Variants in DCDC2C observed in about 807,000 individuals in gnomAD.
DCDC2C encodes doublecortin domain containing 2C.
A neutral mutation model predicts 45.0 loss-of-function variants in DCDC2C; 44 were observed. The ratio of observed to expected loss-of-function variants is 0.98; its 90% CI spans 0.77 to 1.26. DCDC2C has a LOEUF of 1.26. Ranked by LOEUF, DCDC2C falls within the 50% of genes most tolerant of loss-of-function variation. The pLI, the probability that DCDC2C is intolerant of heterozygous loss-of-function variation, is 0.00. For missense variants in DCDC2C, 447 were observed against 468.9 expected (o/e 0.95, Z 0.43); for synonymous variants, 187 against 178.8 (o/e 1.05, Z -0.37).
At chr2:3,777,112 A>T (rs1179766089) in intron 8 of DCDC2C, among the ~76,000 whole-genome samples, 1 of 152,230 alleles carries the variant, frequency 6.6e-6, no homozygotes, top group Non-Finnish European at 1.5e-5. Context: ...TCTGAAGCTC[A>T]GCGCTTCTTC....
Position 3,761,631 on chromosome 2 carries a change from A to C in DCDC2C, c.727-6123A>C, listed in dbSNP as rs1669885019. ...ATGTTAGCAAATCTTCCACTTTAAT[A>C]AATGTTCAAAGCAGGCCTGGTTCAT... is the stretch of plus-strand genomic sequence containing the variant. On this transcript the variant is annotated intron_variant, in intron 6 of 10. Coordinates refer to ENST00000399143, the MANE Select transcript of DCDC2C (RefSeq NM_001287444.2). This position sits in a 1 kb window ranked among gnomAD's most constrained non-coding sequence, Gnocchi z 4.3. 6.6e-6 allele frequency among the ~76,000 whole-genome samples: 1 copy of C among 152,248 alleles called. No homozygotes were observed. The highest frequency in any genetic ancestry group is 1.5e-5 in the Non-Finnish European group (1 of 68,046).
intron 10 of DCDC2C, among the ~76,000 whole-genome samples, chr2:3,842,756 C>T (rs1021191054): frequency 8.5e-5 from 13 of 152,102 alleles, no homozygotes; most frequent in African/African-American, 2.4e-4. Context: ...CTCCTCCACA[C>T]GGTGACTCAG....
rs191596391 is a variant in DCDC2C at position 3,769,436 on chromosome 2, A to C, written c.954+25A>C. 389 of 1,544,490 alleles carry C rather than the reference A, an allele frequency of 2.5e-4. 2 individuals are homozygous for C. In the African/African-American group the frequency reaches 4.7e-3, roughly 19 times the overall value. On this transcript the variant is annotated intron_variant, in intron 8 of 10. Transcript: ENST00000399143. The stretch of plus-strand genomic sequence containing the variant: ...GGTGGGTGTCCGGGGTCCGATGTCC[A>C]TGCCGTCTTCACTCCATTCCATCAG...
intron 10 of DCDC2C, among the ~76,000 whole-genome samples, chr2:3,813,059 ATATATATAT>A (rs753120897): frequency 0.049 from 2,358 of 47,786 alleles, 118 homozygotes; most frequent in Admixed American, 0.17. Flanking sequence ...ATATATATAT[ATATATATAT>A]TTTTTTTTTT....
intron 10 of DCDC2C, among the ~76,000 whole-genome samples, chr2:3,836,735 A>G (rs12711982): frequency 0.66 from 99,515 of 151,732 alleles, 32,888 homozygotes; most frequent in Middle Eastern, 0.72. Context: ...GGTGGCGGGC[A>G]CCTGTAGTCC....
intron 10 of DCDC2C, among the ~76,000 whole-genome samples, chr2:3,785,603 C>T (rs1393667720): frequency 6.6e-6 from 1 of 152,128 alleles, no homozygotes; most frequent in Admixed American, 6.5e-5. Context: ...CCGGGAACCA[C>T]ACCTGGCAGC....
chr2:3,711,463 T>TA (rs1041258226), intron 2 of DCDC2C, among the ~76,000 whole-genome samples: 2 of 151,982 alleles, frequency 1.3e-5, no homozygotes, highest in African/African-American at 2.4e-5. Context: ...TATGCAGCCA[T>TA]AAAAAAAGAA....
At chr2:3,720,022 C>A (rs142241246) in intron 2 of DCDC2C, among the ~76,000 whole-genome samples, 1 of 152,334 alleles carries the variant, frequency 6.6e-6, no homozygotes, top group East Asian at 1.9e-4. Context: ...GTGCAGGTGG[C>A]ACCTGCTTCC....
chr2:3,704,935 T>C (rs1242866146), intron 1 of DCDC2C, among the ~76,000 whole-genome samples: 3 of 152,308 alleles, frequency 2.0e-5, no homozygotes, highest in African/African-American at 7.2e-5. Flanking sequence ...TGATCTCAGC[T>C]GCTTTTCTCT....
At chr2:3,839,798 G>T (rs995426345) in intron 10 of DCDC2C, among the ~76,000 whole-genome samples, 4 of 152,178 alleles carry the variant, frequency 2.6e-5, no homozygotes, top group African/African-American at 9.7e-5. Context: ...AAATGTCAGG[G>T]CTGCAGAACA....
chr2:3,769,282 A>G (rs114369437), intron 7 of DCDC2C, 29 bp from the exon 8 acceptor site: 26,024 of 1,542,752 alleles, frequency 0.017, 268 homozygotes, highest in Non-Finnish European at 0.019. Flanking sequence ...CATGGGTTTC[A>G]AAAGTTTGTC....
intron 10 of DCDC2C, among the ~76,000 whole-genome samples, chr2:3,792,456 G>A (rs1444841648): frequency 2.6e-5 from 4 of 152,098 alleles, no homozygotes; most frequent in African/African-American, 4.8e-5. Context: ...TATTTTATTT[G>A]TATTTACTTG....
At chr2:3,720,208 T>C (rs1348870906) in intron 2 of DCDC2C, among the ~76,000 whole-genome samples, 3 of 152,208 alleles carry the variant, frequency 2.0e-5, no homozygotes, top group African/African-American at 7.2e-5. Flanking sequence ...ACTTGAGTTG[T>C]TTAAGAATCG....
rs766835273 is a variant in DCDC2C at position 3,769,319 on chromosome 2, G to A, written c.862G>A (p.Val288Met). 4.5e-6 allele frequency: 7 copies of A among 1,550,134 alleles called. No homozygotes were observed. In the East Asian group the frequency reaches 7.3e-5, roughly 16 times the overall value. ...GTGTGATTTTCTCCCAGAAGGTGACGTGTATAAAGCACCGACTCCTAGCAA... is the reference window on the plus strand; with the variant it reads ...GTGTGATTTTCTCCCAGAAGGTGACATGTATAAAGCACCGACTCCTAGCAA... ...PLVQRGAEGD[V>M]YKAPTPSKET... is the part of the protein sequence containing the mutation. The change falls in exon 8 of 11, where the codon GTG becomes ATG. Residue 288 changes from valine (V) to methionine (M), a missense_variant. By Grantham distance (21) the Val-to-Met change is conservative (BLOSUM62 1). Transcript: ENST00000399143.
chr2:3,800,570 A>G (rs1318070648), intron 10 of DCDC2C, among the ~76,000 whole-genome samples: 1 of 152,226 alleles, frequency 6.6e-6, no homozygotes, highest in Admixed American at 6.5e-5. Flanking sequence ...CCATGAAACA[A>G]GTGTCTAGTT....
At chr2:3,718,951 C>T (rs575248243) in intron 2 of DCDC2C, among the ~76,000 whole-genome samples, 213 of 152,278 alleles carry the variant, frequency 1.4e-3, no homozygotes, top group African/African-American at 4.9e-3. Context: ...AGCTACAGAG[C>T]GCTGATTGGT....
At chr2:3,777,276 T>C (rs1042205568) in intron 8 of DCDC2C, among the ~76,000 whole-genome samples, 2 of 152,266 alleles carry the variant, frequency 1.3e-5, no homozygotes, top group African/African-American at 4.8e-5. Context: ...TAAATACTAT[T>C]ACATTCTCTT....
intron 8 of DCDC2C, among the ~76,000 whole-genome samples, chr2:3,774,366 G>C (rs569923236): frequency 2.0e-5 from 3 of 152,388 alleles, no homozygotes; most frequent in African/African-American, 7.2e-5. Flanking sequence ...CCTAACAGAA[G>C]GACTCGAGCC....
intron 10 of DCDC2C, among the ~76,000 whole-genome samples, chr2:3,837,018 C>CT (rs1334619619): frequency 1.3e-5 from 2 of 152,104 alleles, no homozygotes; most frequent in Non-Finnish European, 2.9e-5. Flanking sequence ...AATTAAGGAC[C>CT]TGCTGTCTAC....
Sources: allele counts gnomAD v4.1 joint callset (sites outside exome capture counted in the v4.1 genomes callset), GRCh38; gene constraint gnomAD v4.1.1; non-coding constraint Gnocchi (gnomAD v3.1); transcripts MANE v1.5; gene names NCBI Gene and HGNC (gene_info 2026-07-23, HGNC 2026-07-21).